Variants in RUBCN observed in about 807,000 individuals in gnomAD.
RUBCN encodes rubicon autophagy regulator.
A neutral mutation model predicts 113.2 loss-of-function variants in RUBCN; 74 were observed. That is an observed-to-expected ratio of 0.65 (90% CI 0.54 to 0.79). The LOEUF is 0.79. Among genes scored for constraint, RUBCN ranks in the 30% least tolerant of loss-of-function variants. The pLI, the probability that RUBCN is intolerant of heterozygous loss-of-function variation, is 0.00. For missense variants in RUBCN, 1,109 were observed against 1,251.7 expected (o/e 0.89, Z 1.72); for synonymous variants, 480 against 490.0 (o/e 0.98, Z 0.27).
Position 197,675,147 on chromosome 3 carries a change from C to G in RUBCN, c.2790G>C (p.Pro930=). The G allele has an allele frequency of 6.2e-7, 1 of 1,614,086 alleles. No individual in the cohort carries two copies. Among genetic ancestry groups the G allele is most frequent in the Non-Finnish European group, 8.5e-7 (1 of 1,180,048 alleles). The change falls in exon 20 of 20, where the codon CCG becomes CCC. Residue 930 remains proline, a synonymous_variant. Coordinates refer to ENST00000296343, the MANE Select transcript of RUBCN (RefSeq NM_014687.4). This position sits in a 1 kb window ranked among gnomAD's most constrained non-coding sequence, Gnocchi z 4.4. ...HKACFKSGSC[P]RCERLQARRE... ...GCCGGGCCTGCAGCCGCTCGCAGCGCGGACAGCTTCCAGACTTGAAGCAGG... is the reference window on the plus strand; with the variant it reads ...GCCGGGCCTGCAGCCGCTCGCAGCGGGGACAGCTTCCAGACTTGAAGCAGG...
intron 9 of RUBCN, among the ~76,000 whole-genome samples, chr3:197,695,555 C>T (rs1179779571): frequency 2.0e-5 from 3 of 152,112 alleles, no homozygotes; most frequent in East Asian, 1.9e-4. Context: ...GAGCCATGAC[C>T]GTGACACTGC....
intron 2 of RUBCN, among the ~76,000 whole-genome samples, chr3:197,711,462 C>T (rs553032740): frequency 2.0e-5 from 3 of 152,150 alleles, no homozygotes; most frequent in Non-Finnish European, 4.4e-5. Context: ...ATAGTTACTA[C>T]AGTATGCTAT....
intron 1 of RUBCN, among the ~76,000 whole-genome samples, chr3:197,722,580 T>G (rs1726285971): frequency 6.6e-6 from 1 of 150,876 alleles, no homozygotes; most frequent in African/African-American, 2.4e-5. Flanking sequence ...CTTTACATAT[T>G]TAAGGTGCTC....
intron 2 of RUBCN, among the ~76,000 whole-genome samples, chr3:197,714,331 T>C (rs771154319): frequency 6.6e-6 from 1 of 152,108 alleles, no homozygotes; most frequent in Non-Finnish European, 1.5e-5. Context: ...TTTTGCTGTT[T>C]TGGGTTTGCT....
chr3:197,711,698 C>G (rs1197321241), intron 2 of RUBCN, among the ~76,000 whole-genome samples: 3 of 151,890 alleles, frequency 2.0e-5, no homozygotes, highest in Non-Finnish European at 4.4e-5. Flanking sequence ...AAAAAAAATT[C>G]TCTGTAAGGA....
At position 197,674,961 on chromosome 3, in the gene RUBCN, G is replaced by A; in HGVS notation, c.*57C>T. 2 of 1,534,026 alleles carry A rather than the reference G, an allele frequency of 1.3e-6. No individual in the cohort carries two copies. Among genetic ancestry groups the A allele is most frequent in the Non-Finnish European group, 1.8e-6 (2 of 1,125,198 alleles). On this transcript the variant is annotated 3_prime_UTR_variant, in exon 20 of 20. Coordinates refer to ENST00000296343, the MANE Select transcript of RUBCN (RefSeq NM_014687.4). ...AGGTGGGGCGAGTCCTTCAAAGAGT[G>A]GCTCAGTTCTGCAACAGGTGTGACC...
At chr3:197,722,768 GTA>G (rs1473002449) in intron 1 of RUBCN, among the ~76,000 whole-genome samples, 1 of 152,004 alleles carries the variant, frequency 6.6e-6, no homozygotes, top group East Asian at 1.9e-4. Context: ...TCTGATATAA[GTA>G]TAGCTACTCC....
upstream of RUBCN, among the ~76,000 whole-genome samples, chr3:197,741,749 G>A (rs970792067): frequency 6.6e-6 from 1 of 151,708 alleles, no homozygotes; most frequent in Non-Finnish European, 1.5e-5. Flanking sequence ...CTTGAACCCA[G>A]GAGGTGGACA....
intron 11 of RUBCN, among the ~76,000 whole-genome samples, chr3:197,693,514 T>C (rs531755063): frequency 6.6e-6 from 1 of 152,290 alleles, no homozygotes; most frequent in Non-Finnish European, 1.5e-5. Context: ...AGCCACTCCA[T>C]CCACCTGGAA....
intron 7 of RUBCN, among the ~76,000 whole-genome samples, chr3:197,698,261 G>A (rs776874101): frequency 1.3e-5 from 2 of 152,220 alleles, no homozygotes; most frequent in Non-Finnish European, 2.9e-5. Context: ...TGGTCCTACA[G>A]ACTTTATTCC....
At chr3:197,733,224 G>A (rs1351385423) in intron 1 of RUBCN, among the ~76,000 whole-genome samples, 1 of 152,192 alleles carries the variant, frequency 6.6e-6, no homozygotes, top group African/African-American at 2.4e-5. Flanking sequence ...TGTAATCCCA[G>A]TGCTCTGGGA....
chr3:197,727,348 G>C (rs1199047404), intron 1 of RUBCN, among the ~76,000 whole-genome samples: 1 of 152,144 alleles, frequency 6.6e-6, no homozygotes, highest in Admixed American at 6.5e-5. Flanking sequence ...TGACAATCTA[G>C]GGGAAGCATT....
Position 197,674,893 on chromosome 3 carries a change from AAAG to A in RUBCN, c.*122_*124del, listed in dbSNP as rs1282486180. 10 of 793,194 alleles carry A rather than the reference AAAG, an allele frequency of 1.3e-5. No homozygotes were observed. Among genetic ancestry groups the A allele is most frequent in the Middle Eastern group, 3.9e-4 (1 of 2,544 alleles). 49.1% of individuals were successfully genotyped at this position (793,194 alleles called of 1,614,324 possible). On this transcript the variant is annotated 3_prime_UTR_variant, in exon 20 of 20. Coordinates refer to ENST00000296343, the MANE Select transcript of RUBCN (RefSeq NM_014687.4). ...CAGACAAGTCAGTAAAAAAAAAAAA[AAAG>A]ATGATGATAATTAAAAAAAAAAAAA... is the stretch of plus-strand genomic sequence containing the variant.
At chr3:197,679,902 T>C (rs1194494944) in intron 16 of RUBCN, among the ~76,000 whole-genome samples, 25 of 108,422 alleles carry the variant, frequency 2.3e-4, no homozygotes, top group Admixed American at 6.9e-4. Context: ...ACAACTGGCT[T>C]CAGACTGTCC....
intron 1 of RUBCN, among the ~76,000 whole-genome samples, chr3:197,729,352 A>C (rs1727147223): frequency 6.6e-6 from 1 of 151,928 alleles, no homozygotes; most frequent in African/African-American, 2.4e-5. Context: ...TCCCGGGCTC[A>C]CGCCATTCTC....
chr3:197,737,062 T>C, upstream of RUBCN: 1 of 575,528 alleles, frequency 1.7e-6, no homozygotes, highest in Non-Finnish European at 2.4e-6. Flanking sequence ...CCCAGGCCGC[T>C]CCCGCAGGCC....
chr3:197,710,329 G>A (rs897915556), intron 2 of RUBCN, among the ~76,000 whole-genome samples: 2 of 152,072 alleles, frequency 1.3e-5, no homozygotes, highest in African/African-American at 2.4e-5. Context: ...GGCCGGGCGC[G>A]GTGGCTCATG....
chr3:197,691,724 C>A (rs775712520), intron 11 of RUBCN, among the ~76,000 whole-genome samples: 1 of 152,112 alleles, frequency 6.6e-6, no homozygotes, highest in Non-Finnish European at 1.5e-5. Context: ...TGCTTTGCTG[C>A]AGGAAACAGA....
intron 7 of RUBCN, among the ~76,000 whole-genome samples, chr3:197,699,554 G>A (rs1723405517): frequency 6.6e-6 from 1 of 152,182 alleles, no homozygotes; most frequent in Non-Finnish European, 1.5e-5. Flanking sequence ...CAGGCCTGCA[G>A]CAGGAGATGT....
Sources: allele counts gnomAD v4.1 joint callset (sites outside exome capture counted in the v4.1 genomes callset), GRCh38; gene constraint gnomAD v4.1.1; non-coding constraint Gnocchi (gnomAD v3.1); transcripts MANE v1.5; gene names NCBI Gene and HGNC (gene_info 2026-07-23, HGNC 2026-07-21).